Variants in GLT6D1 observed in about 807,000 individuals in gnomAD.
GLT6D1 encodes the protein glycosyltransferase 6 domain containing 1, also known as putative glycosyltransferase 6 domain-containing protein 1.
A neutral mutation model predicts 12.3 loss-of-function variants in GLT6D1; 9 were observed. The ratio of observed to expected loss-of-function variants is 0.73; its 90% CI spans 0.44 to 1.27. The LOEUF is 1.27. GLT6D1 is among the 50% of genes most tolerant of loss of function. The pLI is 0.00. For synonymous variants in GLT6D1, 128 were observed against 132.3 expected, an observed-to-expected ratio of 0.97 and a Z score of 0.23; for missense variants, 335 against 346.2, an observed-to-expected ratio of 0.97 and a Z score of 0.26.
intron 2 of GLT6D1, among the ~76,000 whole-genome samples, chr9:135,632,332 T>A (rs1280711576): frequency 6.6e-6 from 1 of 151,980 alleles, no homozygotes; most frequent in Non-Finnish European, 1.5e-5. Flanking sequence ...AGGGTCTCCC[T>A]GCGTTGCCTA....
rs535654885 is a variant in GLT6D1 at position 135,631,352 on chromosome 9, A to G, written c.119+79T>C. 8 of 1,115,820 alleles carry G rather than the reference A, an allele frequency of 7.2e-6. No individual in the cohort carries two copies. The African/African-American group carries it at 1.1e-4, about 15-fold the overall frequency. 69.1% of individuals were successfully genotyped at this position (1,115,820 alleles called of 1,614,324 possible). On this transcript the variant is annotated intron_variant, in intron 3 of 4. Coordinates refer to ENST00000371763, the MANE Select transcript of GLT6D1 (RefSeq NM_182974.3). ...CGTCCCAGGAGAGCTGAATTTGGTG[A>G]CTGGGGAAGAAAAACCTGTTACTTC...
chr9:135,634,084 G>A (rs1665123476), intron 2 of GLT6D1, among the ~76,000 whole-genome samples: 1 of 152,152 alleles, frequency 6.6e-6, no homozygotes, highest in Non-Finnish European at 1.5e-5. Flanking sequence ...TCCTCCAGGA[G>A]GACAAATGAC....
At position 135,631,463 on chromosome 9, in the gene GLT6D1, T is replaced by C; in HGVS notation, c.87A>G (p.Glu29=). 6.2e-7 allele frequency: 1 copy of C among 1,610,496 alleles called. No individual in the cohort carries two copies. The part of the protein sequence containing the change: ...VERYFRNHQV[E]ELRLSDWFHP... ...GAAACCAGTCTGAGAGCCGAAGTTC[T>C]TCTACTTGGTGATTCCTGGATACAA... Residue 29 remains glutamate (E), a synonymous_variant, in exon 3 of 5, where the codon GAA becomes GAG. Transcript: ENST00000371763.
At position 135,624,658 on chromosome 9, in the gene GLT6D1, C is replaced by T. The variant is rs750422819; in HGVS notation, c.270G>A (p.Glu90=). 1 of 1,561,636 alleles carries T rather than the reference C, an allele frequency of 6.4e-7. No individual in the cohort carries two copies. The highest frequency in any genetic ancestry group is 1.2e-5 in the South Asian group (1 of 83,626). The change falls in exon 5 of 5, where the codon GAG becomes GAA. Residue 90 remains glutamate (E), a synonymous_variant. Coordinates refer to ENST00000371763, the MANE Select transcript of GLT6D1 (RefSeq NM_182974.3). The stretch of plus-strand genomic sequence containing the variant: ...CGGAGTGTAGGAACGGCCTCAGGTA[C>T]TCCTCTGCAAACCTAGGAAACACAC... ...AVFATGRFAE[E]YLRPFLHSAN...
chr9:135,639,942 C>A (rs1427988219), upstream of GLT6D1, among the ~76,000 whole-genome samples: 1 of 150,544 alleles, frequency 6.6e-6, no homozygotes, highest in African/African-American at 2.4e-5. Context: ...CTCCTGGGTT[C>A]AAACAGTTCT....
intron 2 of GLT6D1, among the ~76,000 whole-genome samples, chr9:135,631,968 G>C (rs1833658317): frequency 6.6e-6 from 1 of 152,100 alleles, no homozygotes; most frequent in Admixed American, 6.5e-5. Flanking sequence ...AAACCCCTGA[G>C]CTCAAGCCAT....
intron 3 of GLT6D1, 111 bp from the exon 4 acceptor site, chr9:135,626,317 G>C (rs938124014): frequency 4.0e-5 from 45 of 1,136,794 alleles, no homozygotes; most frequent in Non-Finnish European, 5.4e-5. Flanking sequence ...GCCCAGCTCC[G>C]TGTTTGAGTG....
intron 2 of GLT6D1, among the ~76,000 whole-genome samples, chr9:135,632,137 A>AT (rs10686489): frequency 3.7e-4 from 53 of 144,130 alleles, no homozygotes; most frequent in African/African-American, 6.0e-4. Flanking sequence ...CCTGGGAGCA[A>AT]TTTTTTTTTT....
intron 4 of GLT6D1, among the ~76,000 whole-genome samples, chr9:135,625,383 A>G (rs942193644): frequency 6.6e-6 from 1 of 152,180 alleles, no homozygotes; most frequent in East Asian, 1.9e-4. Flanking sequence ...ATAGTAGACC[A>G]TCTCCAAGAC....
intron 2 of GLT6D1, among the ~76,000 whole-genome samples, chr9:135,633,132 C>A (rs1268930783): frequency 6.6e-6 from 1 of 152,212 alleles, no homozygotes; most frequent in Non-Finnish European, 1.5e-5. Flanking sequence ...TTGCCGTTTC[C>A]CCTGCCTCTC....
chr9:135,624,455 A>G lies in GLT6D1; in HGVS notation c.473T>C (p.Ile158Thr), dbSNP rs368651461. Residue 158 changes from isoleucine (I) to threonine (T), a missense_variant, in exon 5 of 5, where the codon ATC becomes ACC. By Grantham distance (89) the Ile-to-Thr change is moderately conservative. Coordinates refer to ENST00000371763, the MANE Select transcript of GLT6D1 (RefSeq NM_182974.3). Reference protein sequence around the residue: ...LVHVKSLGEHIASHIQDEVDF... With the variant: ...LVHVKSLGEHTASHIQDEVDF... The stretch of plus-strand genomic sequence containing the variant: ...CACCTCGTCCTGGATGTGACTGGCG[A>G]TGTGTTCACCCAGGCTCTTCACATG... 24 of 1,613,982 alleles carry G rather than the reference A, an allele frequency of 1.5e-5. No homozygotes were observed. The Admixed American group carries it at 1.8e-4, about 12-fold the overall frequency.
intron 3 of GLT6D1, among the ~76,000 whole-genome samples, chr9:135,628,978 C>A (rs981262615): frequency 1.3e-5 from 2 of 152,050 alleles, no homozygotes; most frequent in Admixed American, 1.3e-4. Flanking sequence ...ACACTTTTGG[C>A]AAATTTGTTT....
chr9:135,639,727 G>A (rs1486246907), upstream of GLT6D1, among the ~76,000 whole-genome samples: 2 of 152,140 alleles, frequency 1.3e-5, no homozygotes, highest in Non-Finnish European at 2.9e-5. Context: ...ACTCTCACCA[G>A]TGCCTGAGCT....
chr9:135,629,450 G>T (rs4633131), intron 3 of GLT6D1, among the ~76,000 whole-genome samples: 71,141 of 151,842 alleles, frequency 0.47, 16,893 homozygotes, highest in Middle Eastern at 0.57. Context: ...TTTAATTTTA[G>T]AATTTAGAAA....
intron 2 of GLT6D1, among the ~76,000 whole-genome samples, chr9:135,634,443 T>TTTTTTTC (rs1833721749): frequency 1.6e-4 from 3 of 18,844 alleles, no homozygotes; most frequent in Non-Finnish European, 2.7e-4. Flanking sequence ...TTTCCTTTCC[T>TTTTTTTC]TTTTTTTTTT....
intron 2 of GLT6D1, among the ~76,000 whole-genome samples, chr9:135,633,312 T>G (rs532201815): frequency 1.3e-5 from 2 of 152,090 alleles, no homozygotes; most frequent in Non-Finnish European, 2.9e-5. Context: ...TGCAGTGGTA[T>G]GATCTCAACT....
chr9:135,625,340 C>T (rs1183541641), intron 4 of GLT6D1, among the ~76,000 whole-genome samples: 2 of 152,126 alleles, frequency 1.3e-5, no homozygotes, highest in African/African-American at 4.8e-5. Flanking sequence ...ACCTTTTGTA[C>T]AGGACAGCCA....
At chr9:135,626,289 A>G (rs1331688453) in intron 3 of GLT6D1, 83 bp from the exon 4 acceptor site, 4 of 1,448,846 alleles carry the variant, frequency 2.8e-6, no homozygotes, top group Non-Finnish European at 3.8e-6. Flanking sequence ...CCTAATGCTT[A>G]GAGAGCACCT....
rs530521244 is a variant in GLT6D1, at chr9:135,631,291, A to C, written c.119+140T>G. Reference sequence around the variant, plus strand: ...TTGATCAACAGACCCTGGTTTGTTTATAAGAGCCTCGAAAATAAAACTCCA... The same window carrying C: ...TTGATCAACAGACCCTGGTTTGTTTCTAAGAGCCTCGAAAATAAAACTCCA... On this transcript the variant is annotated intron_variant, in intron 3 of 4. Coordinates refer to ENST00000371763, the MANE Select transcript of GLT6D1 (RefSeq NM_182974.3). 70 of 709,738 alleles carry C rather than the reference A, an allele frequency of 9.9e-5. 1 individual carries two copies. Among genetic ancestry groups the C allele is most frequent in the Middle Eastern group, 9.1e-4 (3 of 3,314 alleles). 44.0% of individuals were successfully genotyped at this position (709,738 alleles called of 1,614,324 possible).
Sources: gnomAD v4.1 joint callset for allele counts (sites outside exome capture counted in the v4.1 genomes callset) on GRCh38, gnomAD v4.1.1 for gene constraint, MANE v1.5 for transcripts, NCBI Gene and HGNC (gene_info 2026-07-23, HGNC 2026-07-21) for gene names.